Variants in PTPRO observed in about 807,000 individuals in gnomAD.
The protein encoded by PTPRO is receptor-type tyrosine-protein phosphatase O.
PTPRO carries 62 observed loss-of-function variants against 145.2 expected under a neutral mutation model. That is an observed-to-expected ratio of 0.43 (90% CI 0.35 to 0.53). The LOEUF is 0.53. Among genes scored for constraint, PTPRO ranks in the 20% least tolerant of loss-of-function variants. PTPRO has a pLI of 0.01. For synonymous variants in PTPRO, 565 were observed against 514.7 expected, an observed-to-expected ratio of 1.10 and a Z score of -1.32; for missense variants, 1,345 against 1,482.7, an observed-to-expected ratio of 0.91 and a Z score of 1.53.
At chr12:15,474,295 T>C (rs1941607070) in intron 1 of PTPRO, among the ~76,000 whole-genome samples, 1 of 152,196 alleles carries the variant, frequency 6.6e-6, no homozygotes, top group East Asian at 1.9e-4. Context: ...GAACTCGTCC[T>C]GTGTTATTCT....
chr12:15,384,813 T>G (rs534704443), intron 1 of PTPRO, among the ~76,000 whole-genome samples: 241 of 152,340 alleles, frequency 1.6e-3, no homozygotes, highest in African/African-American at 5.6e-3. Flanking sequence ...AATTAAAATA[T>G]TTCTGCGTGC....
chr12:15,496,142 G>GTTTTTTTTTTTTTTTTTTTTTTTTT (rs71042255), intron 2 of PTPRO, among the ~76,000 whole-genome samples: 1 of 75,366 alleles, frequency 1.3e-5, no homozygotes. Context: ...TTCTTTTTTT[G>GTTTTTTTTTTTTTTTTTTTTTTTTT]TTTTTTTTTT....
At chr12:15,465,641 A>G (rs1287463645) in intron 1 of PTPRO, among the ~76,000 whole-genome samples, 3 of 152,218 alleles carry the variant, frequency 2.0e-5, no homozygotes, top group African/African-American at 7.2e-5. Context: ...TCTCACAGAA[A>G]GTGGCACTTG....
Position 15,508,571 on chromosome 12 carries a change from G to A in PTPRO, c.1268G>A (p.Ser423Asn), listed in dbSNP as rs1565672283. 1.2e-6 allele frequency: 2 copies of A among 1,613,892 alleles called. No individual in the cohort carries two copies. Among genetic ancestry groups the A allele is most frequent in the Middle Eastern group, 1.7e-4 (1 of 6,042 alleles). ...QSAKSLSFYISPSGEWIEELT... is the reference protein window; with the variant it reads ...QSAKSLSFYINPSGEWIEELT... ...CTGTGTTCCAATTTGAAATGTGCAGGTCCTTCAGGAGAGTGGATTGAAGAA... is the reference window on the plus strand; with the variant it reads ...CTGTGTTCCAATTTGAAATGTGCAGATCCTTCAGGAGAGTGGATTGAAGAA... The change falls in exon 7 of 27, where the codon AGT becomes AAT. Residue 423 changes from serine to asparagine, a missense_variant and splice_region_variant. Coordinates refer to ENST00000281171, the MANE Select transcript of PTPRO (RefSeq NM_030667.3).
intron 2 of PTPRO, among the ~76,000 whole-genome samples, chr12:15,486,189 G>A (rs1941882042): frequency 6.6e-6 from 1 of 152,040 alleles, no homozygotes; most frequent in Non-Finnish European, 1.5e-5. Context: ...ACTTATTTTG[G>A]TTTATGCTTT....
intron 1 of PTPRO, among the ~76,000 whole-genome samples, chr12:15,371,541 T>C (rs1938530731): frequency 6.6e-6 from 1 of 152,080 alleles, no homozygotes; most frequent in Non-Finnish European, 1.5e-5. Flanking sequence ...CAAGCTCACA[T>C]TGTTATTTTA....
At chr12:15,384,336 C>G (rs1938955644) in intron 1 of PTPRO, among the ~76,000 whole-genome samples, 1 of 152,154 alleles carries the variant, frequency 6.6e-6, no homozygotes, top group Non-Finnish European at 1.5e-5. Context: ...AATTAGGTCA[C>G]TGTCTTAGTT....
In PTPRO at chr12:15,331,962, C is replaced by CTTTTTTTTTTTTTTTTTTTTTTT. The variant is rs200334215; in HGVS notation, c.75+9181_75+9182insTTTTTTTTTTTTTTTTTTTTTTT. 2.5e-5 allele frequency among the ~76,000 whole-genome samples: 3 copies of CTTTTTTTTTTTTTTTTTTTTTTT among 118,248 alleles called. 1 individual carries two copies. The highest frequency in any genetic ancestry group is 9.2e-5 in the African/African-American group (3 of 32,578). The allele number at this position is 118,248 out of a possible 152,430, so 77.6% of individuals were successfully genotyped here. On this transcript the variant is annotated intron_variant, in intron 1 of 26. Transcript: ENST00000281171. Reference sequence around the variant, plus strand: ...GTATCCTTTTTGTTTCTCTTTCTTTCTTTTTTTTTTTTTTTTTTTTGACAG... The same window carrying CTTTTTTTTTTTTTTTTTTTTTTT: ...GTATCCTTTTTGTTTCTCTTTCTTTCTTTTTTTTTTTTTTTTTTTTTTTTTTTTTTTTTTTTTTTTTTTGACAG...
intron 12 of PTPRO, among the ~76,000 whole-genome samples, chr12:15,528,002 G>A (rs1942878309): frequency 6.6e-6 from 1 of 151,984 alleles, no homozygotes; most frequent in African/African-American, 2.4e-5. Context: ...TGATGTCCAG[G>A]AAAACACAGA....
At chr12:15,377,424 A>T (rs546559514) in intron 1 of PTPRO, among the ~76,000 whole-genome samples, 2 of 152,230 alleles carry the variant, frequency 1.3e-5, no homozygotes, top group Admixed American at 1.3e-4. Flanking sequence ...CAAGAGACAC[A>T]TTTTAGATTC....
At chr12:15,363,039 G>T (rs1938256310) in intron 1 of PTPRO, among the ~76,000 whole-genome samples, 1 of 152,152 alleles carries the variant, frequency 6.6e-6, no homozygotes. Flanking sequence ...CTTGCAAAAT[G>T]TGATGGAAAT....
rs146437236 is a variant in PTPRO, at chr12:15,519,710, A to G, written c.1780-491A>G. On this transcript the variant is annotated intron_variant, in intron 9 of 26. Coordinates refer to ENST00000281171, the MANE Select transcript of PTPRO (RefSeq NM_030667.3). ...GAGGATGTTTTTTAAGAAAACAGGT[A>G]AAAATTGCTCTTTCTGAAATTGAGA... Among the ~76,000 whole-genome samples the G allele has an allele frequency of 6.8e-3, 1,033 of 152,330 alleles. 15 individuals are homozygous for G. Among genetic ancestry groups the G allele is most frequent in the African/African-American group, 0.024 (991 of 41,574 alleles).
rs777907233 is a variant in PTPRO, at chr12:15,515,576, C to A, written c.1543C>A (p.Pro515Thr). The A allele has an allele frequency of 6.2e-7, 1 of 1,613,886 alleles. No individual in the cohort carries two copies. Among genetic ancestry groups the A allele is most frequent in the South Asian group, 1.1e-5 (1 of 91,058 alleles). The change falls in exon 8 of 27, where the codon CCT becomes ACT. Residue 515 changes from proline to threonine, a missense_variant. Around this residue, in one of 3 missense-constraint regions of PTPRO, gnomAD observed 1,130 missense variants for 1,214.7 expected, o/e 0.93. Transcript: ENST00000281171. Reference protein sequence around the residue: ...YQVVIYLRKGPLIGPPSDPVT... With the variant: ...YQVVIYLRKGTLIGPPSDPVT... ...GGTTGTAATATACCTAAGGAAAGGC[C>A]CTTTGATTGGACCACCTTCAGATCC...
At chr12:15,486,442 T>A (rs1941886874) in intron 2 of PTPRO, among the ~76,000 whole-genome samples, 1 of 152,178 alleles carries the variant, frequency 6.6e-6, no homozygotes, top group African/African-American at 2.4e-5. Context: ...GTAAAAGGGT[T>A]TCCTGCAGAC....
rs3085503 is a variant in PTPRO, at chr12:15,469,768, C to CAAAAA, written c.76-14191_76-14187dup. ...AGGAATCATGGCGTTAGTGTCCTGA[C>CAAAAA]AAAAAAAAAAAAAAAAAAATACAGC... On this transcript the variant is annotated intron_variant, in intron 1 of 26. Transcript: ENST00000281171. Among the ~76,000 whole-genome samples the CAAAAA allele has an allele frequency of 1.4e-3, 159 of 110,326 alleles. 1 individual carries two copies. Among genetic ancestry groups the CAAAAA allele is most frequent in the Admixed American group, 2.8e-3 (29 of 10,526 alleles). 72.4% of individuals were successfully genotyped at this position (110,326 alleles called of 152,430 possible). A position where few individuals can be genotyped will look rare whatever the true frequency, so the allele number is the denominator to read the frequency against.
At chr12:15,363,743 A>T (rs940224689) in intron 1 of PTPRO, among the ~76,000 whole-genome samples, 4 of 152,164 alleles carry the variant, frequency 2.6e-5, no homozygotes, top group Non-Finnish European at 5.9e-5. Context: ...ATACAACATA[A>T]TATGAATTCG....
intron 23 of PTPRO, among the ~76,000 whole-genome samples, 160 bp downstream of exon 23, chr12:15,581,961 G>A (rs1329673703): frequency 6.6e-6 from 1 of 152,190 alleles, no homozygotes. Flanking sequence ...ACAGCTTTAA[G>A]AGCTGAGAGC....
At chr12:15,343,793 C>T (rs1221796830) in intron 1 of PTPRO, among the ~76,000 whole-genome samples, 3 of 152,278 alleles carry the variant, frequency 2.0e-5, no homozygotes, top group East Asian at 1.9e-4. Flanking sequence ...CTCCGCCTCC[C>T]GGGTTCGCGC....
intron 1 of PTPRO, among the ~76,000 whole-genome samples, chr12:15,481,842 T>G (rs553972494): frequency 6.6e-6 from 1 of 152,260 alleles, no homozygotes; most frequent in Non-Finnish European, 1.5e-5. Context: ...AGTAGTGATG[T>G]GTATTGTGTG....
Sources: gnomAD v4.1 joint callset for allele counts (sites outside exome capture counted in the v4.1 genomes callset) on GRCh38, gnomAD v4.1.1 for gene constraint, gnomAD v4.1.1 regional missense constraint, MANE v1.5 for transcripts, NCBI Gene and HGNC (gene_info 2026-07-23, HGNC 2026-07-21) for gene names.